PDE4A: variants seen among roughly 807,000 people sequenced by gnomAD.
The protein encoded by PDE4A is 3',5'-cyclic-AMP phosphodiesterase 4A.
A neutral mutation model predicts 73.9 loss-of-function variants in PDE4A; 21 were observed. That is an observed-to-expected ratio of 0.28 (90% CI 0.20 to 0.41). PDE4A has a LOEUF of 0.41. Ranked by LOEUF, PDE4A falls within the 10% of genes least tolerant of loss-of-function variation. PDE4A has a pLI of 1.00. For missense variants in PDE4A, 958 were observed against 1,211.4 expected (o/e 0.79, Z 3.10); for synonymous variants, 463 against 505.4 (o/e 0.92, Z 1.13).
intron 11 of PDE4A, 52 bp from the exon 12 acceptor site, chr19:10,461,474 C>G: frequency 4.4e-6 from 7 of 1,595,746 alleles, no homozygotes; most frequent in Non-Finnish European, 6.0e-6. Context: ...GGCCCTCCTG[C>G]GGTTGGAGCT....
chr19:10,451,452 AGGTCTGCGTAGCCGCT>A (rs1409327679), intron 6 of PDE4A, among the ~76,000 whole-genome samples: 3 of 151,898 alleles, frequency 2.0e-5, no homozygotes, highest in African/African-American at 7.3e-5. Flanking sequence ...CTGCGGCTAT[AGGTCTGCGTAGCCGCT>A]GGTTTATTGG....
chr19:10,446,182 A>G (rs953440072), intron 1 of PDE4A, 36 bp from the exon 2 acceptor site: 32 of 1,541,276 alleles, frequency 2.1e-5, no homozygotes, highest in Non-Finnish European at 2.5e-5. Context: ...ATAGCGTTTC[A>G]GCCTCCTGAC....
chr19:10,450,215 G>T (rs1447973572), intron 4 of PDE4A, among the ~76,000 whole-genome samples: 1 of 152,210 alleles, frequency 6.6e-6, no homozygotes, highest in Non-Finnish European at 1.5e-5. Context: ...CATAGGAGTG[G>T]ATCTTAATTG....
chr19:10,418,028 C>A (rs560028326), upstream of PDE4A, among the ~76,000 whole-genome samples: 5 of 152,192 alleles, frequency 3.3e-5, no homozygotes, highest in Non-Finnish European at 7.4e-5. Context: ...CCCCAAGGCA[C>A]CCTTCGCAGG....
intron 4 of PDE4A, 71 bp from the exon 5 acceptor site, chr19:10,450,532 G>C: frequency 6.6e-7 from 1 of 1,524,428 alleles, no homozygotes; most frequent in African/African-American, 1.4e-5. Flanking sequence ...CACTGTTCAT[G>C]AAAGCGGGAG....
upstream of PDE4A, chr19:10,417,120 C>A: frequency 6.9e-7 from 1 of 1,444,242 alleles, no homozygotes. Flanking sequence ...TTGGTCCCCT[C>A]GTGCCTCAGT....
intron 1 of PDE4A, among the ~76,000 whole-genome samples, chr19:10,429,169 G>A (rs78238013): frequency 6.9e-6 from 1 of 145,128 alleles, no homozygotes. Flanking sequence ...AGGAAAGGAA[G>A]GAAGAAATGA....
In PDE4A at chr19:10,450,872, G is replaced by C. The variant is rs1436424471; in HGVS notation, c.714G>C (p.Leu238=). 6.2e-7 allele frequency: 1 copy of C among 1,612,160 alleles called. No homozygotes were observed. The highest frequency in any genetic ancestry group is 2.2e-5 in the East Asian group (1 of 44,816). The change falls in exon 6 of 15, where the codon CTG becomes CTC. Residue 238 remains leucine (L), a synonymous_variant. Coordinates refer to ENST00000380702, the MANE Select transcript of PDE4A (RefSeq NM_001111307.2). ...QQLARETLEE[L]DWCLEQLETM... ...TGGCCCGGGAGACTCTGGAGGAGCT[G>C]GACTGGTGTCTGGAGCAGCTGGAGA...
chr19:10,459,508 A>G lies in PDE4A; in HGVS notation c.1200+10A>G. 6.2e-7 allele frequency: 1 copy of G among 1,612,862 alleles called. No homozygotes were observed. ...GTACATGATATTCCAGGTGATGGGG[A>G]CAGCTGGGAGTGGGCCCGGGTGAGG... On this transcript the variant is annotated intron_variant, in intron 9 of 14. Coordinates refer to ENST00000380702, the MANE Select transcript of PDE4A (RefSeq NM_001111307.2).
chr19:10,427,800 A>G, intron 1 of PDE4A: 1 of 985,110 alleles, frequency 1.0e-6, no homozygotes, highest in Non-Finnish European at 1.2e-6. Flanking sequence ...AAAACAATTC[A>G]GGGAAGCTAA....
At position 10,458,176 on chromosome 19, in the gene PDE4A, G is replaced by C; in HGVS notation, c.1101+74G>C. 7.0e-7 allele frequency: 1 copy of C among 1,433,640 alleles called. No individual in the cohort carries two copies. Among genetic ancestry groups the C allele is most frequent in the Non-Finnish European group, 9.7e-7 (1 of 1,029,476 alleles). The allele number at this position is 1,433,640 out of a possible 1,614,324, so 88.8% of individuals were successfully genotyped here. A position where few individuals can be genotyped will look rare whatever the true frequency, so the allele number is the denominator to read the frequency against. ...GACCCTGAGAAGGACTGGGCATTGG[G>C]TTATGTCTTAGGCCAGGTTTCCCAG... On this transcript the variant is annotated intron_variant, in intron 8 of 14. Transcript: ENST00000380702. The surrounding 1 kb of genome is among the most constrained non-coding windows in gnomAD (Gnocchi z 4.6).
chr19:10,430,655 C>T (rs2042774765), intron 1 of PDE4A, among the ~76,000 whole-genome samples: 1 of 151,768 alleles, frequency 6.6e-6, no homozygotes, highest in Admixed American at 6.6e-5. Flanking sequence ...GGAGAGTCCC[C>T]ACCAGAGCCG....
rs1018263043 is a variant in PDE4A, at chr19:10,453,575, C to T, written c.784-1254C>T. Among the ~76,000 whole-genome samples the T allele has an allele frequency of 6.6e-6, 1 of 151,716 alleles. No homozygotes were observed. The highest frequency in any genetic ancestry group is 6.6e-5 in the Admixed American group (1 of 15,218). ...GCCTGGATGTGTGTGTGTGTGTCTG[C>T]GATGGTGTGTGTCTGCCTGAGTATA... On this transcript the variant is annotated intron_variant, in intron 6 of 14. Transcript: ENST00000380702. This position sits in a 1 kb window ranked among gnomAD's most constrained non-coding sequence, Gnocchi z 4.6.
intron 1 of PDE4A, among the ~76,000 whole-genome samples, chr19:10,444,813 C>T (rs1457010271): frequency 6.6e-6 from 1 of 151,976 alleles, no homozygotes; most frequent in Non-Finnish European, 1.5e-5. Context: ...GCTGGGATTA[C>T]AGGCATCCAC....
At chr19:10,463,645 C>A in intron 13 of PDE4A, 148 bp from the exon 14 acceptor site, 1 of 1,396,622 alleles carries the variant, frequency 7.2e-7, no homozygotes, top group Non-Finnish European at 9.5e-7. Flanking sequence ...TCATGATCCA[C>A]CCGCCTCAGC....
At chr19:10,454,414 C>T (rs187881004) in intron 6 of PDE4A, among the ~76,000 whole-genome samples, 2 of 152,348 alleles carry the variant, frequency 1.3e-5, no homozygotes, top group Non-Finnish European at 2.9e-5. Context: ...CCGGCTTGCC[C>T]CCCTTTTCCC....
chr19:10,446,436 G>A (rs756601857), intron 2 of PDE4A, 27 bp downstream of exon 2: 48 of 1,594,916 alleles, frequency 3.0e-5, no homozygotes, highest in Non-Finnish European at 4.0e-5. Flanking sequence ...CCACATGCCA[G>A]TTCCCCCAGG....
At chr19:10,432,718 T>G in intron 1 of PDE4A, 1 of 695,466 alleles carries the variant, frequency 1.4e-6, no homozygotes, top group Non-Finnish European at 2.3e-6. Context: ...TTCCTGGCTC[T>G]AAAGGCCTGG....
Position 10,455,050 on chromosome 19 carries a change from A to G in PDE4A, c.877+128A>G, listed in dbSNP as rs543135303. 1.1e-4 allele frequency: 90 copies of G among 852,320 alleles called. 2 individuals are homozygous for G. The East Asian group carries it at 2.3e-3, about 22-fold the overall frequency. 52.8% of individuals were successfully genotyped at this position (852,320 alleles called of 1,614,324 possible). A position where few individuals can be genotyped will look rare whatever the true frequency, so the allele number is the denominator to read the frequency against. ...TGACTCTCAACTCCCCAAAGGTCAC[A>G]GTCACCCTATCCAGGAACCCTCATG... is the stretch of plus-strand genomic sequence containing the variant. On this transcript the variant is annotated intron_variant, in intron 7 of 14. Coordinates refer to ENST00000380702, the MANE Select transcript of PDE4A (RefSeq NM_001111307.2).
Sources: gnomAD v4.1 joint callset for allele counts (sites outside exome capture counted in the v4.1 genomes callset) on GRCh38, gnomAD v4.1.1 for gene constraint, Gnocchi (gnomAD v3.1) non-coding constraint, MANE v1.5 for transcripts, NCBI Gene and HGNC (gene_info 2026-07-23, HGNC 2026-07-21) for gene names.